Variants in UBXN11 observed in about 807,000 individuals in gnomAD.
The protein encoded by UBXN11 is UBX domain protein 11.
In UBXN11, 47 loss-of-function variants were observed where a neutral mutation model predicts 62.8. The observed-to-expected ratio is 0.75, with a 90% CI of 0.59 to 0.95. The LOEUF (loss-of-function observed/expected upper bound fraction) is 0.95. Ranked by LOEUF, UBXN11 falls within the 40% of genes least tolerant of loss-of-function variation. The pLI, the probability that UBXN11 is intolerant of heterozygous loss-of-function variation, is 0.00. For synonymous variants in UBXN11, 294 were observed against 267.0 expected, an observed-to-expected ratio of 1.10 and a Z score of -0.99; for missense variants, 638 against 661.7, an observed-to-expected ratio of 0.96 and a Z score of 0.39.
chr1:26,306,760 G>C (rs2073677370), upstream of UBXN11: 1 of 148,324 alleles, frequency 6.7e-6, no homozygotes, highest in African/African-American at 2.5e-5. Context: ...TTGGCCCACA[G>C]AGTCGGTATT....
intron 2 of UBXN11, 43 bp from the exon 3 acceptor site, chr1:26,301,765 C>A (rs1169112978): frequency 1.2e-6 from 2 of 1,612,108 alleles, no homozygotes; most frequent in Admixed American, 3.3e-5. Context: ...TAAGTTAGGG[C>A]CCCTGGAATG....
chr1:26,300,833 C>A (rs1183314618), intron 4 of UBXN11, 93 bp downstream of exon 4: 7 of 1,584,466 alleles, frequency 4.4e-6, no homozygotes, highest in African/African-American at 1.3e-5. Context: ...ACCAAACAGG[C>A]GAGAGGAAGG....
chr1:26,293,724 C>CAAAAAAAAAAA lies in UBXN11; in HGVS notation c.559+470_559+480dup, dbSNP rs1163207554. ...TGGGTGACAGAGCAAGACTCCGTCTCAAAAAAAAAAAAAAAAAAAAAAAAA... is the reference window on the plus strand; with the variant it reads ...TGGGTGACAGAGCAAGACTCCGTCTCAAAAAAAAAAAAAAAAAAAAAAAAAAAAAAAAAAAA... On this transcript the variant is annotated intron_variant, in intron 8 of 14. Transcript: ENST00000374222. Among the ~76,000 whole-genome samples, 3 of 26,922 alleles carry CAAAAAAAAAAA rather than the reference C, an allele frequency of 1.1e-4. 1 individual carries two copies. Among genetic ancestry groups the CAAAAAAAAAAA allele is most frequent in the Non-Finnish European group, 1.2e-4 (2 of 16,798 alleles). 17.7% of individuals were successfully genotyped at this position (26,922 alleles called of 152,430 possible).
upstream of UBXN11, among the ~76,000 whole-genome samples, chr1:26,309,090 G>GCCA (rs1453267772): frequency 1.3e-5 from 2 of 151,280 alleles, no homozygotes; most frequent in African/African-American, 4.9e-5. Flanking sequence ...ACGCCACCAT[G>GCCA]CCCAGCTAAT....
Position 26,282,402 on chromosome 1 carries a change from G to A in UBXN11, c.1460C>T (p.Pro487Leu). Residue 487 changes from proline to leucine, a missense_variant, in exon 15 of 15, where the codon CCC (proline) becomes CTC (leucine). Physicochemically the swap from Pro to Leu is moderately conservative, Grantham distance 98. Transcript: ENST00000374222. ...SSLKFSPGPC[P>L]GPGPGPSPGP... ...GGGACTGGGGCCGGGACCGGGACCG[G>A]GACAGGGACCAGGACTGAATTTCAG... is the stretch of plus-strand genomic sequence containing the variant. 7.8e-7 allele frequency: 1 copy of A among 1,288,312 alleles called. No homozygotes were observed. The highest frequency in any genetic ancestry group is 1.0e-6 in the Non-Finnish European group (1 of 966,960). The allele number at this position is 1,288,312 out of a possible 1,614,324, so 79.8% of individuals were successfully genotyped here.
intron 4 of UBXN11, among the ~76,000 whole-genome samples, chr1:26,298,780 GAAAAAAAAA>G (rs11368453): frequency 1.4e-3 from 86 of 61,708 alleles, no homozygotes; most frequent in South Asian, 7.2e-3. Context: ...CTCTGTCTCA[GAAAAAAAAA>G]AAAAAAAAAA....
At chr1:26,300,856 T>TA in intron 4 of UBXN11, 70 bp downstream of exon 4, 6 of 1,610,466 alleles carry the variant, frequency 3.7e-6, no homozygotes, top group Non-Finnish European at 5.1e-6. Flanking sequence ...CATGCCTCCC[T>TA]AGGCCTTGCC....
rs373067579 is a variant in UBXN11, at chr1:26,290,854, A to G, written c.559+3351T>C. 5.6e-3 allele frequency among the ~76,000 whole-genome samples: 845 copies of G among 150,750 alleles called. 6 individuals carry two copies. The highest frequency in any genetic ancestry group is 0.02 in the African/African-American group (823 of 40,892). On this transcript the variant is annotated intron_variant, in intron 8 of 14. Coordinates refer to ENST00000374222, the MANE Select transcript of UBXN11 (RefSeq NM_001389556.1). ...CTCAGAGATGCAGAGGGTGGGGGGG[A>G]AGGGAGAACTTCAGAGCTGACCAGA... is the stretch of plus-strand genomic sequence containing the variant.
At chr1:26,316,296 G>A (rs2073794250) in intron 1 of UBXN11, among the ~76,000 whole-genome samples, 1 of 151,858 alleles carries the variant, frequency 6.6e-6, no homozygotes, top group East Asian at 1.9e-4. Context: ...CTCAGCCTCA[G>A]CCAGATCTCC....
Position 26,282,328 on chromosome 1 carries a change from A to AGGGACTGGGGCCGGGACCGGGACT in UBXN11, c.1533_1534insAGTCCCGGTCCCGGCCCCAGTCCC (p.Pro511_Cys512insSerProGlyProGlyProSerPro). The AGGGACTGGGGCCGGGACCGGGACT allele has an allele frequency of 1.3e-6, 1 of 776,108 alleles. No individual in the cohort carries two copies. Among genetic ancestry groups the AGGGACTGGGGCCGGGACCGGGACT allele is most frequent in the South Asian group, 2.2e-5 (1 of 45,190 alleles). 48.1% of individuals were successfully genotyped at this position (776,108 alleles called of 1,614,324 possible). ...TGGGGGCTGGGACTGGGTCCAGGAC[A>AGGGACTGGGGCCGGGACCGGGACT]GGGACTGGGGCCGGGACCGGGACCG... is the stretch of plus-strand genomic sequence containing the variant. On this transcript the variant is annotated inframe_insertion, in exon 15 of 15. Transcript: ENST00000374222.
At position 26,282,864 on chromosome 1, in the gene UBXN11, C is replaced by T; in HGVS notation, c.1151G>A (p.Arg384Lys). The T allele has an allele frequency of 1.2e-6, 2 of 1,612,302 alleles. No homozygotes were observed. Among genetic ancestry groups the T allele is most frequent in the Non-Finnish European group, 8.5e-7 (1 of 1,179,988 alleles). ...CCTCACCTCCTCATCCCGCCCTCACCTCTCTCGCTCAGCGGCCAAGGTGGG... is the reference window on the plus strand; with the variant it reads ...CCTCACCTCCTCATCCCGCCCTCACTTCTCTCGCTCAGCGGCCAAGGTGGG... Reference protein sequence around the residue: ...ETPTLAAERERSQESPNTPAP... With the variant: ...ETPTLAAEREKSQESPNTPAP... The change falls in exon 13 of 15, where the codon AGG (arginine) becomes AAG (lysine). Residue 384 changes from arginine (R) to lysine (K), a missense_variant and splice_region_variant. Coordinates refer to ENST00000374222, the MANE Select transcript of UBXN11 (RefSeq NM_001389556.1).
In UBXN11 at chr1:26,304,155, A is replaced by G. The variant is rs527257419; in HGVS notation, c.-35-1237T>C. On this transcript the variant is annotated intron_variant, in intron 1 of 14. Coordinates refer to ENST00000374222, the MANE Select transcript of UBXN11 (RefSeq NM_001389556.1). ...CTGAAGTCAGTCAGCAAGGGAATCT[A>G]TGCTGCCTGGAGGCAGCCTCCAATG... is the stretch of plus-strand genomic sequence containing the variant. Among the ~76,000 whole-genome samples the G allele has an allele frequency of 1.6e-4, 25 of 152,290 alleles. No individual in the cohort carries two copies. In the South Asian group the frequency reaches 5.0e-3, roughly 30 times the overall value.
intron 4 of UBXN11, 122 bp downstream of exon 4, chr1:26,300,804 G>C (rs1224955628): frequency 1.3e-6 from 2 of 1,502,848 alleles, no homozygotes; most frequent in Admixed American, 4.2e-5. Context: ...TCAGCCAGGA[G>C]TGGAAGCAGC....
chr1:26,285,925 C>A lies in UBXN11; in HGVS notation c.672G>T (p.Gly224=). The change falls in exon 9 of 15, where the codon GGG becomes GGT. Residue 224 remains glycine (G), a synonymous_variant. Transcript: ENST00000374222. ...TGGGCTCGAGGGTACGCAGCCGTGC[C>A]CCGCCGGGCACTGGTGTCACTTGGG... is the stretch of plus-strand genomic sequence containing the variant. ...GDTQVTPVPG[G]ARLRTLEPIP... 1 of 1,613,698 alleles carries A rather than the reference C, an allele frequency of 6.2e-7. No homozygotes were observed. The highest frequency in any genetic ancestry group is 1.3e-5 in the African/African-American group (1 of 75,052).
intron 1 of UBXN11, chr1:26,318,002 C>T: frequency 1.9e-6 from 3 of 1,613,758 alleles, no homozygotes; most frequent in South Asian, 1.1e-5. Context: ...AAGACAGCCA[C>T]GAAGATCCTA....
At chr1:26,296,782 T>C in intron 7 of UBXN11, 137 bp downstream of exon 7, 2 of 906,538 alleles carry the variant, frequency 2.2e-6, no homozygotes, top group Non-Finnish European at 3.3e-6. Flanking sequence ...GGTAGGGAAA[T>C]GCAGGGCAGG....
At chr1:26,301,793 C>G (rs1194247947) in intron 2 of UBXN11, 71 bp from the exon 3 acceptor site, 1 of 1,593,178 alleles carries the variant, frequency 6.3e-7, no homozygotes, top group Non-Finnish European at 8.6e-7. Context: ...GGATAAGGCT[C>G]TGGGCACCGG....
At chr1:26,303,223 C>T (rs138276498) in intron 1 of UBXN11, 2 of 202,804 alleles carry the variant, frequency 9.9e-6, no homozygotes, top group African/African-American at 4.6e-5. Context: ...CTTTCCCAAA[C>T]TTAGAGCCTG....
rs1163207554 is a variant in UBXN11, at chr1:26,293,724, C to CAAAAAAA, written c.559+474_559+480dup. Among the ~76,000 whole-genome samples the CAAAAAAA allele has an allele frequency of 2.1e-3, 56 of 26,928 alleles. 12 individuals are homozygous for CAAAAAAA. The highest frequency in any genetic ancestry group is 4.0e-3 in the East Asian group (2 of 498). 17.7% of individuals were successfully genotyped at this position (26,928 alleles called of 152,430 possible). A position where few individuals can be genotyped will look rare whatever the true frequency, so the allele number is the denominator to read the frequency against. On this transcript the variant is annotated intron_variant, in intron 8 of 14. Coordinates refer to ENST00000374222, the MANE Select transcript of UBXN11 (RefSeq NM_001389556.1). The stretch of plus-strand genomic sequence containing the variant: ...TGGGTGACAGAGCAAGACTCCGTCT[C>CAAAAAAA]AAAAAAAAAAAAAAAAAAAAAAAAA...
Sources: allele counts gnomAD v4.1 joint callset (sites outside exome capture counted in the v4.1 genomes callset), GRCh38; gene constraint gnomAD v4.1.1; transcripts MANE v1.5; gene names NCBI Gene and HGNC (gene_info 2026-07-23, HGNC 2026-07-21).